Variants in HORMAD2 observed in about 807,000 individuals in gnomAD.
The protein encoded by HORMAD2 is HORMA domain-containing protein 2.
In HORMAD2, 45 loss-of-function variants were observed where a neutral mutation model predicts 38.8. The ratio of observed to expected loss-of-function variants is 1.16; its 90% CI spans 0.91 to 1.49. The LOEUF is 1.49. Ranked by LOEUF, HORMAD2 falls within the 40% of genes most tolerant of loss-of-function variation. The pLI is 0.00. For missense variants in HORMAD2, 338 were observed against 367.0 expected (o/e 0.92, Z 0.65); for synonymous variants, 126 against 122.8 (o/e 1.03, Z -0.17).
intron 1 of HORMAD2, among the ~76,000 whole-genome samples, chr22:30,088,214 T>C (rs748267822): frequency 2.0e-5 from 3 of 150,192 alleles, no homozygotes; most frequent in African/African-American, 4.9e-5. Flanking sequence ...TATACATATA[T>C]ACACATATAT....
At chr22:30,193,755 G>T in the HORMAD2 span, among the ~76,000 whole-genome samples, 3 of 152,164 alleles carry the variant, frequency 2.0e-5, no homozygotes, top group African/African-American at 7.2e-5. Flanking sequence ...TCTGACACAG[G>T]GCTACCTGGC....
intron 10 of HORMAD2, among the ~76,000 whole-genome samples, chr22:30,152,479 A>G (rs1219819471): frequency 6.6e-6 from 1 of 151,818 alleles, no homozygotes; most frequent in East Asian, 1.9e-4. Flanking sequence ...TTTGTGTACC[A>G]CCACGCATGA....
At chr22:30,097,856 T>C (rs149999238) in intron 2 of HORMAD2, among the ~76,000 whole-genome samples, 1 of 152,318 alleles carries the variant, frequency 6.6e-6, no homozygotes, top group East Asian at 1.9e-4. Flanking sequence ...GATAAGGGGC[T>C]ACTGCAGTAA....
rs527745045 is a variant in HORMAD2, at chr22:30,175,792, G to T, written c.820-271G>T. Among the ~76,000 whole-genome samples the T allele has an allele frequency of 2.6e-3, 392 of 152,266 alleles. 2 individuals carry two copies. Among genetic ancestry groups the T allele is most frequent in the Non-Finnish European group, 3.0e-3 (207 of 68,032 alleles). On this transcript the variant is annotated intron_variant, in intron 10 of 10. Coordinates refer to ENST00000336726, the MANE Select transcript of HORMAD2 (RefSeq NM_152510.4). ...CCACAACTTAACAACCTTCTCTCAA[G>T]AGTTGGATGTGTTGAATTCACTAGA...
At position 30,111,814 on chromosome 22, in the gene HORMAD2, A is replaced by G; in HGVS notation, c.313A>G (p.Thr105Ala). The G allele has an allele frequency of 6.4e-7, 1 of 1,571,234 alleles. No individual in the cohort carries two copies. The highest frequency in any genetic ancestry group is 8.6e-7 in the Non-Finnish European group (1 of 1,157,094). ...CTTGAAGCTACGTATGGCAGTACTG[A>G]CAGTAAGTACACACTCATTTAAAGA... The part of the protein sequence containing the change: ...EKRYLRMAVL[T>A]LYTDPMGSEK... Residue 105 changes from threonine (T) to alanine (A), a missense_variant and splice_region_variant, in exon 6 of 11, where the codon ACA (threonine) becomes GCA (alanine). Transcript: ENST00000336726.
intron 10 of HORMAD2, among the ~76,000 whole-genome samples, chr22:30,141,257 C>T (rs6006377): frequency 1.3e-4 from 20 of 152,296 alleles, no homozygotes; most frequent in African/African-American, 4.8e-4. Flanking sequence ...CTCGGCCTCC[C>T]AAAGTGCTGG....
Position 30,121,949 on chromosome 22 carries a change from C to A in HORMAD2, c.569-15C>A. The stretch of plus-strand genomic sequence containing the variant: ...AACTCAGTTTTCATGGCTTTTTGCC[C>A]TTTTCATTTCGCAGTGACCCCACAT... On this transcript the variant is annotated splice_polypyrimidine_tract_variant and intron_variant, in intron 9 of 10. Coordinates refer to ENST00000336726, the MANE Select transcript of HORMAD2 (RefSeq NM_152510.4). The A allele has an allele frequency of 6.2e-7, 1 of 1,601,142 alleles. No individual in the cohort carries two copies. Among genetic ancestry groups the A allele is most frequent in the South Asian group, 1.1e-5 (1 of 89,394 alleles).
At chr22:30,110,455 A>G (rs1046440979) in intron 5 of HORMAD2, among the ~76,000 whole-genome samples, 1 of 143,482 alleles carries the variant, frequency 7.0e-6, no homozygotes, top group Non-Finnish European at 1.5e-5. Context: ...GCGTGATCTC[A>G]GCTCACTGCA....
the HORMAD2 span, among the ~76,000 whole-genome samples, chr22:30,191,541 C>T: frequency 1.3e-5 from 2 of 152,146 alleles, no homozygotes; most frequent in Non-Finnish European, 2.9e-5. Flanking sequence ...TCTAATAGAG[C>T]TAACTTTTTC....
In HORMAD2 at chr22:30,112,515, G is replaced by T. The variant is rs1054517683; in HGVS notation, c.335G>T (p.Gly112Val). The change falls in exon 7 of 11, where the codon GGA becomes GTA. Residue 112 changes from glycine to valine, a missense_variant. Physicochemically the swap from Gly to Val is moderately radical, Grantham distance 109. Coordinates refer to ENST00000336726, the MANE Select transcript of HORMAD2 (RefSeq NM_152510.4). ...ATACAGCTTTACACAGATCCCATGG[G>T]ATCTGAGGTAAGAACACACACAAAC... ...AVLTLYTDPM[G>V]SEKVTEMYQF... The T allele has an allele frequency of 2.9e-6, 4 of 1,388,534 alleles. No homozygotes were observed. The African/African-American group carries it at 6.2e-5, about 21-fold the overall frequency. The allele number at this position is 1,388,534 out of a possible 1,614,324, so 86.0% of individuals were successfully genotyped here. A position where few individuals can be genotyped will look rare whatever the true frequency, so the allele number is the denominator to read the frequency against.
chr22:30,200,246 G>A, the HORMAD2 span, among the ~76,000 whole-genome samples: 2,735 of 152,072 alleles, frequency 0.018, 84 homozygotes, highest in African/African-American at 0.063. Context: ...AAAAAAATCA[G>A]TGAATCTCAC....
intron 10 of HORMAD2, among the ~76,000 whole-genome samples, chr22:30,167,174 A>G (rs1267135230): frequency 6.6e-6 from 1 of 152,146 alleles, no homozygotes; most frequent in African/African-American, 2.4e-5. Context: ...CCCTATTGTC[A>G]CATTGTCTTC....
At chr22:30,118,516 A>G (rs1922212336) in intron 7 of HORMAD2, among the ~76,000 whole-genome samples, 1 of 152,186 alleles carries the variant, frequency 6.6e-6, no homozygotes, top group Admixed American at 6.5e-5. Context: ...GAATTAGCTT[A>G]TTTCATTTGT....
downstream of HORMAD2, among the ~76,000 whole-genome samples, chr22:30,177,633 G>A (rs1926530159): frequency 6.6e-6 from 1 of 151,484 alleles, no homozygotes; most frequent in East Asian, 1.9e-4. Flanking sequence ...GTCTAGTAGA[G>A]GAATTAGGTT....
At chr22:30,164,928 G>T (rs536040827) in intron 10 of HORMAD2, among the ~76,000 whole-genome samples, 3 of 152,276 alleles carry the variant, frequency 2.0e-5, no homozygotes, top group Non-Finnish European at 4.4e-5. Flanking sequence ...AGCATCCTTT[G>T]ATGCACAAAA....
At chr22:30,149,879 G>A (rs1019661704) in intron 10 of HORMAD2, among the ~76,000 whole-genome samples, 8 of 152,264 alleles carry the variant, frequency 5.3e-5, no homozygotes, top group Non-Finnish European at 8.8e-5. Context: ...TTGAGGCATT[G>A]CTCCTCTTTC....
At chr22:30,159,133 G>A (rs6006382) in intron 10 of HORMAD2, among the ~76,000 whole-genome samples, 35 of 152,212 alleles carry the variant, frequency 2.3e-4, no homozygotes, top group African/African-American at 7.5e-4. Context: ...GAGACAATGC[G>A]GAAAAATTAG....
At position 30,122,050 on chromosome 22, in the gene HORMAD2, C is replaced by A. The variant is rs1409354800; in HGVS notation, c.655C>A (p.Gln219Lys). ...LLFDKEPINV[Q>K]VGFVSTGFHS... ...GTTTGACAAGGAGCCTATCAACGTG[C>A]AAGTGGGATTTGTCTCCACTGGCTT... The change falls in exon 10 of 11, where the codon CAA becomes AAA. Residue 219 changes from glutamine (Q) to lysine (K), a missense_variant. Physicochemically the swap from Gln to Lys is moderately conservative, Grantham distance 53. Coordinates refer to ENST00000336726, the MANE Select transcript of HORMAD2 (RefSeq NM_152510.4). 6.2e-7 allele frequency: 1 copy of A among 1,613,384 alleles called. No individual in the cohort carries two copies. Among genetic ancestry groups the A allele is most frequent in the Non-Finnish European group, 8.5e-7 (1 of 1,179,704 alleles).
chr22:30,112,607 G>A (rs1006895345), intron 7 of HORMAD2, 85 bp downstream of exon 7: 1 of 524,628 alleles, frequency 1.9e-6, no homozygotes, highest in South Asian at 4.6e-5. Flanking sequence ...TATAGATTTT[G>A]TTACTAGACT....
Sources: gnomAD v4.1 joint callset for allele counts (sites outside exome capture counted in the v4.1 genomes callset) on GRCh38, gnomAD v4.1.1 for gene constraint, MANE v1.5 for transcripts, NCBI Gene and HGNC (gene_info 2026-07-23, HGNC 2026-07-21) for gene names.